Variants in PEX7 observed in about 807,000 individuals in gnomAD.
PEX7 encodes the protein peroxisomal biogenesis factor 7, also known as PTS2 receptor.
Under a neutral mutation model 47.5 loss-of-function variants are expected in PEX7, and 34 were observed. The ratio of observed to expected loss-of-function variants is 0.72; its 90% CI spans 0.54 to 0.95. The LOEUF is 0.95. PEX7 is among the 40% of genes least tolerant of loss of function. PEX7 has a pLI of 0.00. For synonymous variants in PEX7, 141 were observed against 148.8 expected (o/e 0.95, Z 0.38); for missense variants, 394 against 400.3 (o/e 0.98, Z 0.13).
intron 3 of PEX7, among the ~76,000 whole-genome samples, chr6:136,834,085 AGAG>A (rs1454433846): frequency 1.3e-5 from 2 of 152,254 alleles, no homozygotes; most frequent in Non-Finnish European, 2.9e-5. Context: ...AGGTACACAG[AGAG>A]GAGAACCAGG....
In PEX7 at chr6:136,913,775, T is replaced by C; in HGVS notation, c.*249T>C. 2 of 439,950 alleles carry C rather than the reference T, an allele frequency of 4.5e-6. No homozygotes were observed. The allele number at this position is 439,950 out of a possible 1,614,324, so 27.3% of individuals were successfully genotyped here. A position where few individuals can be genotyped will look rare whatever the true frequency, so the allele number is the denominator to read the frequency against. On this transcript the variant is annotated 3_prime_UTR_variant, in exon 10 of 10. Coordinates refer to ENST00000318471, the MANE Select transcript of PEX7 (RefSeq NM_000288.4). ...GTTATGATATATCTTGTAGTATCTA[T>C]TAAAATGTCTCTGGGTCATAAAATG...
chr6:136,830,258 GTAT>G, intron 3 of PEX7: 1 of 480,978 alleles, frequency 2.1e-6, no homozygotes, highest in South Asian at 3.6e-5. Flanking sequence ...ATATGAGCTA[GTAT>G]TATTATTTGC....
At chr6:136,879,198 T>A (rs1409324773) in intron 8 of PEX7, among the ~76,000 whole-genome samples, 1 of 152,168 alleles carries the variant, frequency 6.6e-6, no homozygotes, top group Non-Finnish European at 1.5e-5. Flanking sequence ...TAGTCTTAAG[T>A]GTATAATTAA....
At chr6:136,872,348 C>A in intron 8 of PEX7, 95 bp downstream of exon 8, 2 of 899,908 alleles carry the variant, frequency 2.2e-6, no homozygotes, top group South Asian at 1.5e-5. Context: ...CTCTTACTAA[C>A]ATGAAAATAA....
intron 6 of PEX7, 43 bp from the exon 7 acceptor site, chr6:136,869,847 T>C (rs1775141906): frequency 2.8e-6 from 4 of 1,419,244 alleles, no homozygotes; most frequent in Non-Finnish European, 4.0e-6. Context: ...TACTGTTTAA[T>C]TGCAAAGATG....
At chr6:136,899,375 T>TG (rs1334274681) in intron 9 of PEX7, among the ~76,000 whole-genome samples, 1 of 151,254 alleles carries the variant, frequency 6.6e-6, no homozygotes, top group Admixed American at 6.6e-5. Context: ...CCTGAGTAGC[T>TG]GGGATTACAG....
chr6:136,840,932 C>T (rs1037357683), intron 3 of PEX7, among the ~76,000 whole-genome samples: 1 of 151,978 alleles, frequency 6.6e-6, no homozygotes, highest in East Asian at 1.9e-4. Flanking sequence ...GACCCCCTGC[C>T]CTTGTCATTA....
At chr6:136,878,712 G>T (rs1472158886) in intron 8 of PEX7, among the ~76,000 whole-genome samples, 1 of 152,092 alleles carries the variant, frequency 6.6e-6, no homozygotes, top group Non-Finnish European at 1.5e-5. Context: ...CTCGCTTAGT[G>T]AACAAATAGT....
chr6:136,850,979 TA>T (rs1390961592), intron 5 of PEX7, among the ~76,000 whole-genome samples: 7 of 125,614 alleles, frequency 5.6e-5, no homozygotes, highest in South Asian at 2.6e-4. Flanking sequence ...CTTTTTTTTT[TA>T]TTTTTTTTTT....
At chr6:136,824,939 A>T (rs551428155) in intron 1 of PEX7, among the ~76,000 whole-genome samples, 1 of 152,208 alleles carries the variant, frequency 6.6e-6, no homozygotes, top group Non-Finnish European at 1.5e-5. Flanking sequence ...TGTTAGGTCC[A>T]TGTCTGAATT....
intron 3 of PEX7, among the ~76,000 whole-genome samples, chr6:136,831,920 G>C (rs1008126231): frequency 6.6e-6 from 1 of 152,248 alleles, no homozygotes; most frequent in Non-Finnish European, 1.5e-5. Flanking sequence ...GGCTTTTCCA[G>C]CTGTACAATA....
rs766676818 is a variant in PEX7 at position 136,859,490 on chromosome 6, A to G, written c.527-7137A>G. On this transcript the variant is annotated intron_variant, in intron 5 of 9. Transcript: ENST00000318471. The stretch of plus-strand genomic sequence containing the variant: ...AACCATGCCTGAATGTGTGGGATCC[A>G]GTAGTTAAAGCAAACCTCGTTCTAC... Among the ~76,000 whole-genome samples, 113 of 152,228 alleles carry G rather than the reference A, an allele frequency of 7.4e-4. 2 individuals carry two copies. The highest frequency in any genetic ancestry group is 6.8e-3 in the Middle Eastern group (2 of 294).
At chr6:136,871,604 G>A (rs889005809) in intron 7 of PEX7, among the ~76,000 whole-genome samples, 2 of 152,044 alleles carry the variant, frequency 1.3e-5, no homozygotes, top group African/African-American at 4.8e-5. Context: ...TGTCGCCGGG[G>A]CTGGAGTGCA....
At chr6:136,826,177 T>C in intron 2 of PEX7, 142 bp from the exon 3 acceptor site, 2 of 888,782 alleles carry the variant, frequency 2.3e-6, no homozygotes, top group Non-Finnish European at 1.8e-6. Flanking sequence ...TTAACTCCCG[T>C]AGTTGTGCAG....
At chr6:136,856,497 C>T (rs1774864996) in intron 5 of PEX7, among the ~76,000 whole-genome samples, 1 of 152,140 alleles carries the variant, frequency 6.6e-6, no homozygotes, top group Non-Finnish European at 1.5e-5. Context: ...GCTCCAACAC[C>T]TACCTCTTTT....
At chr6:136,830,287 G>A in intron 3 of PEX7, 1 of 400,566 alleles carries the variant, frequency 2.5e-6, no homozygotes, top group South Asian at 5.8e-5. Context: ...TTATAATAGG[G>A]TTTGAAAAAT....
intron 1 of PEX7, 51 bp from the exon 2 acceptor site, chr6:136,825,163 A>G (rs1189245960): frequency 6.9e-7 from 1 of 1,451,706 alleles, no homozygotes; most frequent in Non-Finnish European, 9.7e-7. Flanking sequence ...TTGACTTTCG[A>G]TGTTACCCTG....
rs117726923 is a variant in PEX7 at position 136,827,657 on chromosome 6, C to T, written c.339+1188C>T. Among the ~76,000 whole-genome samples the T allele has an allele frequency of 4.0e-3, 604 of 151,972 alleles. 16 individuals are homozygous for T. The South Asian group carries it at 0.058, about 14-fold the overall frequency. On this transcript the variant is annotated intron_variant, in intron 3 of 9. Transcript: ENST00000318471. ...AAGCCATTCTCATGTCTTAGCCACC[C>T]GAGTAGCTGGGATTACAGACGTGCG...
At chr6:136,862,201 G>A (rs1774979563) in intron 5 of PEX7, among the ~76,000 whole-genome samples, 1 of 150,926 alleles carries the variant, frequency 6.6e-6, no homozygotes, top group Non-Finnish European at 1.5e-5. Context: ...TGAGTAGCTG[G>A]GATTACAGGC....
Sources: allele counts gnomAD v4.1 joint callset (sites outside exome capture counted in the v4.1 genomes callset), GRCh38; gene constraint gnomAD v4.1.1; transcripts MANE v1.5; gene names NCBI Gene and HGNC (gene_info 2026-07-23, HGNC 2026-07-21).